KHDRBS2: variants seen among roughly 807,000 people sequenced by gnomAD.
KHDRBS2 encodes the protein KH RNA binding domain containing, signal transduction associated 2.
KHDRBS2 carries 26 observed loss-of-function variants against 44.3 expected under a neutral mutation model. That is an observed-to-expected ratio of 0.59 (90% confidence interval 0.43 to 0.81). The LOEUF (loss-of-function observed/expected upper bound fraction) is 0.81. KHDRBS2 is among the 40% of genes least tolerant of loss of function. The probability of loss-of-function intolerance (pLI) is 0.00; values close to 1 mark genes in which losing one functional copy is unlikely to be tolerated. For synonymous variants in KHDRBS2, 194 were observed against 151.1 expected (o/e 1.28, Z -2.08); for missense variants, 476 against 433.1 (o/e 1.10, Z -0.88).
intron 1 of KHDRBS2, among the ~76,000 whole-genome samples, chr6:62,246,132 ATAT>A (rs1835534301): frequency 6.8e-6 from 1 of 146,352 alleles, no homozygotes; most frequent in South Asian, 2.1e-4. Context: ...ATATATATAT[ATAT>A]AATCAATGTT....
chr6:61,623,698 T>C, the KHDRBS2 span, among the ~76,000 whole-genome samples: 3 of 152,202 alleles, frequency 2.0e-5, no homozygotes, highest in Non-Finnish European at 4.4e-5. Flanking sequence ...AGGGTTCATG[T>C]TACCCACCAC....
chr6:62,271,286 T>G (rs2150188701), intron 1 of KHDRBS2, among the ~76,000 whole-genome samples: 1 of 152,232 alleles, frequency 6.6e-6, no homozygotes, highest in South Asian at 2.1e-4. Context: ...ACTCCTAAGG[T>G]TTAGCCATCC....
chr6:62,232,413 G>C (rs759825241), intron 1 of KHDRBS2, among the ~76,000 whole-genome samples: 3 of 152,046 alleles, frequency 2.0e-5, no homozygotes, highest in Non-Finnish European at 2.9e-5. Flanking sequence ...ATTGTGTATA[G>C]AATGGAGATT....
At chr6:62,067,652 G>T (rs909549485) in intron 2 of KHDRBS2, among the ~76,000 whole-genome samples, 3 of 151,374 alleles carry the variant, frequency 2.0e-5, no homozygotes, top group Admixed American at 1.3e-4. Flanking sequence ...TGTTCACAGG[G>T]TTATACAACC....
At chr6:61,547,617 T>G in the KHDRBS2 span, among the ~76,000 whole-genome samples, 1 of 152,090 alleles carries the variant, frequency 6.6e-6, no homozygotes, top group Non-Finnish European at 1.5e-5. Flanking sequence ...TGACTCTTAA[T>G]CCCTGGTTTG....
At chr6:61,848,499 A>ATGTATATATG (rs1554236631) in intron 6 of KHDRBS2, among the ~76,000 whole-genome samples, 1 of 60,446 alleles carries the variant, frequency 1.7e-5, no homozygotes, top group African/African-American at 1.0e-4. Flanking sequence ...ATGTATATAT[A>ATGTATATATG]TATATATATA....
At chr6:61,581,425 C>A in the KHDRBS2 span, among the ~76,000 whole-genome samples, 1 of 151,002 alleles carries the variant, frequency 6.6e-6, no homozygotes, top group Non-Finnish European at 1.5e-5. Context: ...TAAAAAACAG[C>A]AAAAATGGCA....
intron 6 of KHDRBS2, among the ~76,000 whole-genome samples, chr6:61,766,847 T>A (rs907889080): frequency 6.6e-6 from 1 of 152,120 alleles, no homozygotes; most frequent in Non-Finnish European, 1.5e-5. Context: ...TTAATTTTAT[T>A]TGAAATTTTT....
intron 4 of KHDRBS2, among the ~76,000 whole-genome samples, chr6:61,956,086 G>A (rs10455600): frequency 0.19 from 28,541 of 151,670 alleles, 3,099 homozygotes; most frequent in East Asian, 0.32. Flanking sequence ...CCAGCTATTC[G>A]GGGAGGCTGA....
intron 4 of KHDRBS2, among the ~76,000 whole-genome samples, chr6:61,958,426 T>C (rs1693635308): frequency 6.6e-6 from 1 of 152,192 alleles, no homozygotes; most frequent in South Asian, 2.1e-4. Context: ...TGGCCACCCT[T>C]CATGCTGTTG....
At chr6:62,060,059 G>A (rs1429884471) in intron 2 of KHDRBS2, among the ~76,000 whole-genome samples, 2 of 151,944 alleles carry the variant, frequency 1.3e-5, no homozygotes, top group Middle Eastern at 6.8e-3. Flanking sequence ...AGATGTATGA[G>A]AAGTTGGGGC....
At chr6:61,633,755 C>A in the KHDRBS2 span, among the ~76,000 whole-genome samples, 1 of 151,854 alleles carries the variant, frequency 6.6e-6, no homozygotes, top group African/African-American at 2.4e-5. Flanking sequence ...AGCCCAAGGG[C>A]AATTCTTTAT....
intron 2 of KHDRBS2, among the ~76,000 whole-genome samples, chr6:62,085,263 A>C (rs1320503656): frequency 6.6e-6 from 1 of 152,152 alleles, no homozygotes; most frequent in Admixed American, 6.6e-5. Context: ...GAAATTCTGA[A>C]TTAAGGCAAT....
chr6:61,903,703 GA>G (rs1052202020), intron 4 of KHDRBS2, among the ~76,000 whole-genome samples: 10 of 152,136 alleles, frequency 6.6e-5, no homozygotes, highest in Non-Finnish European at 7.4e-5. Context: ...AAAACATCAT[GA>G]AAAGAAGCAG....
At chr6:61,961,069 T>G (rs1271541897) in intron 4 of KHDRBS2, among the ~76,000 whole-genome samples, 1 of 152,114 alleles carries the variant, frequency 6.6e-6, no homozygotes, top group Non-Finnish European at 1.5e-5. Flanking sequence ...GTGAGACTTG[T>G]ATGGATAAAG....
rs551929119 is a variant in KHDRBS2, at chr6:62,283,842, C to T, written c.91+2016G>A. Among the ~76,000 whole-genome samples, 3 of 152,188 alleles carry T rather than the reference C, an allele frequency of 2.0e-5. No individual in the cohort carries two copies. In the East Asian group the frequency reaches 5.8e-4, roughly 29 times the overall value. The stretch of plus-strand genomic sequence containing the variant: ...ACAGAGAGCTAATATAAAACCTATG[C>T]ACCCTTTTGCATAACTCTTTAGGTA... On this transcript the variant is annotated intron_variant, in intron 1 of 8. Transcript: ENST00000281156.
intron 3 of KHDRBS2, among the ~76,000 whole-genome samples, chr6:62,026,838 G>A (rs1413138652): frequency 1.3e-5 from 2 of 152,082 alleles, no homozygotes; most frequent in Admixed American, 6.6e-5. Flanking sequence ...GAGGTAGCCC[G>A]ATTTTGCCTG....
intron 6 of KHDRBS2, among the ~76,000 whole-genome samples, chr6:61,779,201 T>A (rs1476591742): frequency 2.0e-5 from 3 of 152,186 alleles, no homozygotes; most frequent in South Asian, 2.1e-4. Flanking sequence ...AATTTTTTTT[T>A]ATTTTAATGT....
At chr6:61,763,285 G>A (rs1396890528) in intron 6 of KHDRBS2, among the ~76,000 whole-genome samples, 6 of 152,048 alleles carry the variant, frequency 3.9e-5, no homozygotes, top group Admixed American at 3.9e-4. Context: ...TAAATATCAT[G>A]GAATAAATAA....
Sources: gnomAD v4.1 joint callset for allele counts (sites outside exome capture counted in the v4.1 genomes callset) on GRCh38, gnomAD v4.1.1 for gene constraint, MANE v1.5 for transcripts, NCBI Gene and HGNC (gene_info 2026-07-23, HGNC 2026-07-21) for gene names.